The following TIMP2 variants were observed in gnomAD, a reference collection of about 807,000 sequenced individuals.
TIMP2 encodes the protein metalloproteinase inhibitor 2.
In TIMP2, 5 loss-of-function variants were observed where a neutral mutation model predicts 24.3. The observed-to-expected ratio is 0.21, with a 90% CI of 0.11 to 0.43. The LOEUF is 0.43. Among genes scored for constraint, TIMP2 ranks in the 20% least tolerant of loss-of-function variants. The probability of loss-of-function intolerance (pLI) is 1.00; values close to 1 mark genes in which losing one functional copy is unlikely to be tolerated. For missense variants in TIMP2, 221 were observed against 297.5 expected (o/e 0.74, Z 1.89); for synonymous variants, 130 against 123.2 (o/e 1.06, Z -0.37).
intron 1 of TIMP2, among the ~76,000 whole-genome samples, chr17:78,911,541 C>A (rs2070207264): frequency 6.6e-6 from 1 of 152,074 alleles, no homozygotes; most frequent in African/African-American, 2.4e-5. Flanking sequence ...GATTCTCCTG[C>A]CTCAGCCTCC....
chr17:78,871,110 T>C, intron 2 of TIMP2, 104 bp from the exon 3 acceptor site: 1 of 835,878 alleles, frequency 1.2e-6, no homozygotes, highest in Non-Finnish European at 1.9e-6. Flanking sequence ...GTAGCTGGGG[T>C]ACAGCCAGCA....
chr17:78,919,832 T>C (rs1005638104), intron 1 of TIMP2, among the ~76,000 whole-genome samples: 11 of 147,774 alleles, frequency 7.4e-5, no homozygotes, highest in Non-Finnish European at 1.6e-4. Flanking sequence ...AGACTCCATC[T>C]CGAAAAAAAA....
rs181631325 is a variant in TIMP2 at position 78,886,547 on chromosome 17, G to A, written c.131-12628C>T. On this transcript the variant is annotated intron_variant, in intron 1 of 4. Coordinates refer to ENST00000262768, the MANE Select transcript of TIMP2 (RefSeq NM_003255.5). Reference sequence around the variant, plus strand: ...GCAAGTGCAGAAACAGCAGGAGCACGGTGACACCCCACCCCGAGAAATCTA... The same window carrying A: ...GCAAGTGCAGAAACAGCAGGAGCACAGTGACACCCCACCCCGAGAAATCTA... Among the ~76,000 whole-genome samples, 253 of 152,226 alleles carry A rather than the reference G, an allele frequency of 1.7e-3. 1 individual carries two copies. Among genetic ancestry groups the A allele is most frequent in the Admixed American group, 4.6e-3 (71 of 15,272 alleles).
intron 1 of TIMP2, chr17:78,890,978 A>G: frequency 6.4e-7 from 1 of 1,550,788 alleles, no homozygotes; most frequent in Non-Finnish European, 8.7e-7. Context: ...TCTCTGCTCC[A>G]TCTCTGCTTT....
At chr17:78,908,479 G>A (rs1368831872) in intron 1 of TIMP2, among the ~76,000 whole-genome samples, 2 of 152,108 alleles carry the variant, frequency 1.3e-5, no homozygotes, top group African/African-American at 4.8e-5. Context: ...ATGCCTCTTG[G>A]CCAAAAGGAG....
At chr17:78,909,815 C>T (rs763725175) in intron 1 of TIMP2, among the ~76,000 whole-genome samples, 38 of 152,034 alleles carry the variant, frequency 2.5e-4, no homozygotes, top group Non-Finnish European at 4.0e-4. Flanking sequence ...CACAACATTA[C>T]GGGACCCAGG....
At chr17:78,903,505 C>G (rs1164752699) in intron 1 of TIMP2, among the ~76,000 whole-genome samples, 1 of 152,108 alleles carries the variant, frequency 6.6e-6, no homozygotes, top group African/African-American at 2.4e-5. Flanking sequence ...AGCTGTCAGG[C>G]CATTAAGGAG....
chr17:78,869,269 A>T (rs2069648015), intron 3 of TIMP2, among the ~76,000 whole-genome samples: 1 of 152,006 alleles, frequency 6.6e-6, no homozygotes, highest in Admixed American at 6.6e-5. Flanking sequence ...AAATAAAAAA[A>T]TTAGCTGGGT....
intron 1 of TIMP2, among the ~76,000 whole-genome samples, chr17:78,893,367 G>A (rs2069943181): frequency 6.8e-6 from 1 of 146,026 alleles, no homozygotes; most frequent in Non-Finnish European, 1.5e-5. Flanking sequence ...GTGCAGGGGT[G>A]TGTAGGAGTG....
intron 3 of TIMP2, among the ~76,000 whole-genome samples, chr17:78,867,533 TC>T: frequency 6.6e-6 from 1 of 151,492 alleles, no homozygotes; most frequent in South Asian, 2.1e-4. Context: ...ACCACCTTCT[TC>T]CAGCAGCAAG....
At chr17:78,856,038 G>T in intron 4 of TIMP2, 174 bp from the exon 5 acceptor site, 1 of 654,176 alleles carries the variant, frequency 1.5e-6, no homozygotes, top group Non-Finnish European at 2.7e-6. Context: ...CCTGCGAGGG[G>T]GTCTAACCTG....
intron 1 of TIMP2, chr17:78,890,760 C>T (rs749824611): frequency 2.4e-5 from 37 of 1,550,514 alleles, no homozygotes; most frequent in African/African-American, 5.5e-5. Context: ...TGCCGGTCGT[C>T]GTCGGCGAGG....
intron 1 of TIMP2, among the ~76,000 whole-genome samples, chr17:78,888,111 G>A (rs1469904674): frequency 6.6e-6 from 1 of 151,688 alleles, no homozygotes; most frequent in East Asian, 1.9e-4. Flanking sequence ...ATAAAGATAG[G>A]GAGGGCTAAA....
chr17:78,855,949 C>T lies in TIMP2; in HGVS notation c.466-85G>A, dbSNP rs1249635542. 18 of 1,354,808 alleles carry T rather than the reference C, an allele frequency of 1.3e-5. No homozygotes were observed. Among genetic ancestry groups the T allele is most frequent in the Middle Eastern group, 1.9e-4 (1 of 5,222 alleles). 83.9% of individuals were successfully genotyped at this position (1,354,808 alleles called of 1,614,324 possible). On this transcript the variant is annotated intron_variant, in intron 4 of 4. Transcript: ENST00000262768. The surrounding 1 kb of genome is among the most constrained non-coding windows in gnomAD (Gnocchi z 6.0). ...CTGCTCTGGGGGCATGTCCAGAACC[C>T]GGCAATGTGCCTACCTGTCATGTGC...
At chr17:78,923,796 A>G (rs1464709657) in intron 1 of TIMP2, among the ~76,000 whole-genome samples, 2 of 151,974 alleles carry the variant, frequency 1.3e-5, no homozygotes, top group Non-Finnish European at 2.9e-5. Flanking sequence ...CGCAGCTCCT[A>G]GGGCTAACCG....
intron 3 of TIMP2, among the ~76,000 whole-genome samples, chr17:78,858,270 C>T (rs564510597): frequency 1.9e-4 from 29 of 151,918 alleles, no homozygotes; most frequent in African/African-American, 5.8e-4. Context: ...GTGAAACCCC[C>T]GTCTCTACTA....
At chr17:78,890,894 T>G (rs1567999348) in intron 1 of TIMP2, 3 of 1,550,608 alleles carry the variant, frequency 1.9e-6, no homozygotes, top group African/African-American at 2.7e-5. Context: ...TTTTTCTAGC[T>G]CAGCTTTGTA....
chr17:78,913,377 G>A (rs2070225931), intron 1 of TIMP2, among the ~76,000 whole-genome samples: 1 of 152,152 alleles, frequency 6.6e-6, no homozygotes, highest in African/African-American at 2.4e-5. Context: ...GCACTTTAGA[G>A]GAGTGACCTC....
rs192260355 is a variant in TIMP2, at chr17:78,901,666, G to C, written c.130+23293C>G. 64 of 711,530 alleles carry C rather than the reference G, an allele frequency of 9.0e-5. No individual in the cohort carries two copies. The African/African-American group carries it at 1.1e-3, about 12-fold the overall frequency. The allele number at this position is 711,530 out of a possible 1,614,324, so 44.1% of individuals were successfully genotyped here. ...TAGGCCAAGCGACTTCACTCTGGGTGCCTCAGTTTGCTCTTTAGGATGGGG... is the reference window on the plus strand; with the variant it reads ...TAGGCCAAGCGACTTCACTCTGGGTCCCTCAGTTTGCTCTTTAGGATGGGG... On this transcript the variant is annotated intron_variant, in intron 1 of 4. Transcript: ENST00000262768.
Sources: allele counts gnomAD v4.1 joint callset (sites outside exome capture counted in the v4.1 genomes callset), GRCh38; gene constraint gnomAD v4.1.1; non-coding constraint Gnocchi (gnomAD v3.1); transcripts MANE v1.5; gene names NCBI Gene and HGNC (gene_info 2026-07-23, HGNC 2026-07-21).